The following STX12 variants were observed in gnomAD, a reference collection of about 807,000 sequenced individuals.
STX12 encodes the protein syntaxin-12.
A neutral mutation model predicts 42.2 loss-of-function variants in STX12; 17 were observed. The observed-to-expected ratio is 0.40, with a 90% CI of 0.28 to 0.60. The LOEUF (loss-of-function observed/expected upper bound fraction) is 0.60. Among genes scored for constraint, STX12 ranks in the 20% least tolerant of loss-of-function variants. The pLI is 0.39. For missense variants in STX12, 297 were observed against 330.9 expected (o/e 0.90, Z 0.79); for synonymous variants, 108 against 116.7 (o/e 0.93, Z 0.48).
At chr1:27,804,297 A>G (rs755231356) in intron 4 of STX12, among the ~76,000 whole-genome samples, 5 of 149,484 alleles carry the variant, frequency 3.3e-5, no homozygotes, top group East Asian at 2.1e-4. Context: ...ATGGTGGCGC[A>G]TGCCTGTAAT....
rs867888774 is a variant in STX12 at position 27,822,554 on chromosome 1, G to A, written c.*225G>A. ...CTCAAATTAGGAATTAACTTATGTG[G>A]ATTTTGCTTCCTCTTGTATTCTGAT... On this transcript the variant is annotated 3_prime_UTR_variant, in exon 9 of 9. Coordinates refer to ENST00000373943, the MANE Select transcript of STX12 (RefSeq NM_177424.3). 8 of 418,560 alleles carry A rather than the reference G, an allele frequency of 1.9e-5. No individual in the cohort carries two copies. The Middle Eastern group carries it at 1.9e-3, about 98-fold the overall frequency. 25.9% of individuals were successfully genotyped at this position (418,560 alleles called of 1,614,324 possible). A position where few individuals can be genotyped will look rare whatever the true frequency, so the allele number is the denominator to read the frequency against.
intron 2 of STX12, among the ~76,000 whole-genome samples, chr1:27,789,904 C>A (rs1007741586): frequency 1.3e-5 from 2 of 152,086 alleles, no homozygotes; most frequent in Non-Finnish European, 2.9e-5. Context: ...GAATTCGTAC[C>A]ACTATTAAAC....
At chr1:27,821,746 G>T (rs967091618) in intron 8 of STX12, among the ~76,000 whole-genome samples, 5 of 152,188 alleles carry the variant, frequency 3.3e-5, no homozygotes, top group Non-Finnish European at 7.4e-5. Context: ...GCTGGGTGCG[G>T]TGGCCCACGC....
chr1:27,779,018 C>T (rs2088646193), intron 1 of STX12, among the ~76,000 whole-genome samples: 1 of 152,094 alleles, frequency 6.6e-6, no homozygotes, highest in African/African-American at 2.4e-5. Context: ...CCTCAGTCTC[C>T]CAAAGCAAGA....
chr1:27,801,180 C>G (rs576761873), intron 3 of STX12, among the ~76,000 whole-genome samples: 15 of 152,132 alleles, frequency 9.9e-5, no homozygotes, highest in Non-Finnish European at 1.8e-4. Flanking sequence ...GGGCAGATCA[C>G]CTGAGGTGAG....
intron 6 of STX12, among the ~76,000 whole-genome samples, chr1:27,816,768 T>C (rs1254687818): frequency 6.6e-6 from 1 of 151,622 alleles, no homozygotes; most frequent in Non-Finnish European, 1.5e-5. Flanking sequence ...AATAAAAAAT[T>C]ATCCGGGCGT....
At chr1:27,810,172 T>A in intron 4 of STX12, 74 bp from the exon 5 acceptor site, 1 of 1,408,716 alleles carries the variant, frequency 7.1e-7, no homozygotes, top group Non-Finnish European at 1.0e-6. Flanking sequence ...TATACTGTGC[T>A]AAGGAAGCCC....
intron 5 of STX12, 126 bp from the exon 6 acceptor site, chr1:27,812,037 T>G: frequency 1.3e-6 from 1 of 777,066 alleles, no homozygotes. Context: ...AAGACTTTAT[T>G]GATAGCAGAG....
intron 7 of STX12, 110 bp from the exon 8 acceptor site, chr1:27,819,540 A>G: frequency 1.2e-6 from 1 of 808,276 alleles, no homozygotes; most frequent in Non-Finnish European, 2.0e-6. Context: ...ATGGCTGGAT[A>G]GTTTGGATAG....
chr1:27,779,552 G>A (rs760015579), intron 1 of STX12, among the ~76,000 whole-genome samples: 11 of 151,770 alleles, frequency 7.2e-5, no homozygotes, highest in South Asian at 2.1e-4. Flanking sequence ...GGCTGGTCTC[G>A]AACTCCTGAC....
chr1:27,778,383 T>C (rs915390028), intron 1 of STX12, among the ~76,000 whole-genome samples: 3 of 152,102 alleles, frequency 2.0e-5, no homozygotes, highest in African/African-American at 7.2e-5. Flanking sequence ...AAGTTAACTC[T>C]GAAGGGATTA....
chr1:27,804,218 G>T (rs1048705117), intron 4 of STX12, among the ~76,000 whole-genome samples: 1 of 151,624 alleles, frequency 6.6e-6, no homozygotes, highest in Non-Finnish European at 1.5e-5. Context: ...CTGAGGTCAG[G>T]AGTTCAAGAC....
At position 27,792,140 on chromosome 1, in the gene STX12, ATATC is replaced by A. The variant is rs1395433034; in HGVS notation, c.189-1389_189-1386del. Among the ~76,000 whole-genome samples, 29 of 112,556 alleles carry A rather than the reference ATATC, an allele frequency of 2.6e-4. 1 individual carries two copies. Among genetic ancestry groups the A allele is most frequent in the African/African-American group, 4.4e-4 (7 of 15,876 alleles). 73.8% of individuals were successfully genotyped at this position (112,556 alleles called of 152,430 possible). ...ATATAATATATATCTATATATGTAT[ATATC>A]TATATATGTGTATCTATATATGTAT... On this transcript the variant is annotated intron_variant, in intron 2 of 8. Transcript: ENST00000373943.
chr1:27,799,483 TTTTTTG>T (rs1448570307), intron 3 of STX12, among the ~76,000 whole-genome samples: 6 of 148,820 alleles, frequency 4.0e-5, no homozygotes, highest in African/African-American at 1.6e-4. Context: ...GCTTGTTTTT[TTTTTTG>T]TTTTTTTTTT....
intron 2 of STX12, among the ~76,000 whole-genome samples, chr1:27,792,832 T>G (rs2088758348): frequency 6.6e-6 from 1 of 152,200 alleles, no homozygotes; most frequent in Non-Finnish European, 1.5e-5. Flanking sequence ...AAACCACAAA[T>G]GAAAAGAGTA....
intron 1 of STX12, among the ~76,000 whole-genome samples, chr1:27,786,185 C>G (rs1389420656): frequency 6.6e-6 from 1 of 152,182 alleles, no homozygotes; most frequent in Non-Finnish European, 1.5e-5. Flanking sequence ...ATCTGGGTCC[C>G]TACTACCTCC....
At chr1:27,810,097 A>G (rs947791461) in intron 4 of STX12, 149 bp from the exon 5 acceptor site, 2 of 662,298 alleles carry the variant, frequency 3.0e-6, no homozygotes, top group Non-Finnish European at 5.2e-6. Flanking sequence ...TTCTTAGTTG[A>G]GACAGATTGC....
chr1:27,820,831 A>C (rs1336692311), intron 8 of STX12, among the ~76,000 whole-genome samples: 4 of 152,202 alleles, frequency 2.6e-5, no homozygotes, highest in Admixed American at 2.0e-4. Flanking sequence ...ACACCATGGA[A>C]TACTATGCAG....
At chr1:27,819,799 C>G (rs1263948057) in intron 8 of STX12, 67 bp downstream of exon 8, 2 of 1,382,618 alleles carry the variant, frequency 1.4e-6, no homozygotes, top group Non-Finnish European at 2.0e-6. Flanking sequence ...AGTACATTGA[C>G]ATATTGAGAA....
Sources: gnomAD v4.1 joint callset for allele counts (sites outside exome capture counted in the v4.1 genomes callset) on GRCh38, gnomAD v4.1.1 for gene constraint, MANE v1.5 for transcripts, NCBI Gene and HGNC (gene_info 2026-07-23, HGNC 2026-07-21) for gene names.